GRID2: variants seen among roughly 807,000 people sequenced by gnomAD.
The protein encoded by GRID2 is glutamate ionotropic receptor delta type subunit 2, also known as glutamate receptor ionotropic, delta-2.
In GRID2, 33 loss-of-function variants were observed where a neutral mutation model predicts 114.8. That is an observed-to-expected ratio of 0.29 (90% CI 0.22 to 0.38). The LOEUF (loss-of-function observed/expected upper bound fraction) is 0.38, where lower values mean the gene tolerates loss of function less well. Ranked by LOEUF, GRID2 falls within the 10% of genes least tolerant of loss-of-function variation. GRID2 has a pLI of 1.00. For missense variants in GRID2, 1,184 were observed against 1,257.7 expected (o/e 0.94, Z 0.89); for synonymous variants, 505 against 449.9 (o/e 1.12, Z -1.55).
At chr4:92,787,238 T>A (rs1357882635) in intron 2 of GRID2, among the ~76,000 whole-genome samples, 6 of 151,836 alleles carry the variant, frequency 4.0e-5, no homozygotes, top group South Asian at 2.1e-4. Context: ...AAGTATATAT[T>A]CTAACTGATA....
rs558898137 is a variant in GRID2 at position 92,938,617 on chromosome 4, G to T, written c.245-146378G>T. Among the ~76,000 whole-genome samples, 31 of 146,070 alleles carry T rather than the reference G, an allele frequency of 2.1e-4. 5 individuals are homozygous for T. The highest frequency in any genetic ancestry group is 3.3e-4 in the Non-Finnish European group (22 of 66,134). ...TTAGGGTACATGTGCACAATGTGCAGGTTTGTTACATATGTATACATGTAC... is the reference window on the plus strand; with the variant it reads ...TTAGGGTACATGTGCACAATGTGCATGTTTGTTACATATGTATACATGTAC... On this transcript the variant is annotated intron_variant, in intron 2 of 15. Coordinates refer to ENST00000282020, the MANE Select transcript of GRID2 (RefSeq NM_001510.4).
chr4:93,097,590 T>G (rs1008502151), intron 3 of GRID2, among the ~76,000 whole-genome samples: 12 of 151,836 alleles, frequency 7.9e-5, no homozygotes, highest in Non-Finnish European at 1.6e-4. Context: ...AACATATATA[T>G]ATATTTAAAA....
At chr4:92,892,383 A>G (rs1236812749) in intron 2 of GRID2, among the ~76,000 whole-genome samples, 4 of 152,142 alleles carry the variant, frequency 2.6e-5, no homozygotes, top group Non-Finnish European at 5.9e-5. Context: ...TCTGAGAGAT[A>G]TATTTTCTTC....
intron 10 of GRID2, among the ~76,000 whole-genome samples, chr4:93,424,366 C>G (rs187405952): frequency 2.0e-5 from 3 of 152,024 alleles, no homozygotes; most frequent in African/African-American, 7.2e-5. Flanking sequence ...TGCAGGGCTA[C>G]GTAGGTAGCA....
intron 14 of GRID2, among the ~76,000 whole-genome samples, chr4:93,728,614 G>T (rs1408364173): frequency 6.6e-6 from 1 of 152,028 alleles, no homozygotes; most frequent in Admixed American, 6.6e-5. Context: ...TTATTGTGTT[G>T]GAGTCTAAGT....
chr4:92,633,746 A>G (rs1168543479), intron 2 of GRID2, among the ~76,000 whole-genome samples: 2 of 152,172 alleles, frequency 1.3e-5, no homozygotes, highest in Admixed American at 1.3e-4. Flanking sequence ...TAAGGGCATA[A>G]TGGCCATATT....
At chr4:93,762,817 G>T (rs921387157) in intron 14 of GRID2, among the ~76,000 whole-genome samples, 1 of 151,986 alleles carries the variant, frequency 6.6e-6, no homozygotes, top group African/African-American at 2.4e-5. Flanking sequence ...CCTGTGCCTC[G>T]CATGCGGGGT....
intron 2 of GRID2, among the ~76,000 whole-genome samples, chr4:92,927,655 A>G (rs888307820): frequency 2.6e-5 from 4 of 151,810 alleles, no homozygotes; most frequent in African/African-American, 9.7e-5. Flanking sequence ...TTTTTGCTAT[A>G]CAGATTTGAG....
At chr4:93,095,315 C>T (rs560832106) in intron 3 of GRID2, among the ~76,000 whole-genome samples, 156 of 151,900 alleles carry the variant, frequency 1.0e-3, no homozygotes, top group Non-Finnish European at 1.8e-3. Flanking sequence ...ATGATGTTCC[C>T]CTCCTTGTGT....
chr4:93,051,204 C>T (rs774560573), intron 2 of GRID2, among the ~76,000 whole-genome samples: 1 of 151,916 alleles, frequency 6.6e-6, no homozygotes, highest in Non-Finnish European at 1.5e-5. Flanking sequence ...AATAAGGAAT[C>T]GTTCAATTCT....
intron 2 of GRID2, among the ~76,000 whole-genome samples, chr4:92,747,935 C>T (rs1737235586): frequency 6.6e-6 from 1 of 152,116 alleles, no homozygotes; most frequent in African/African-American, 2.4e-5. Context: ...TTAATGAAGT[C>T]CCTATACTAG....
chr4:92,662,853 T>C (rs907178078), intron 2 of GRID2, among the ~76,000 whole-genome samples: 1 of 151,140 alleles, frequency 6.6e-6, no homozygotes. Flanking sequence ...TAAAAGAATG[T>C]ATACTATATT....
intron 11 of GRID2, among the ~76,000 whole-genome samples, chr4:93,468,098 T>G (rs935949814): frequency 2.6e-5 from 4 of 152,244 alleles, no homozygotes; most frequent in Non-Finnish European, 4.4e-5. Context: ...TGAATTCCTC[T>G]GTGATACATA....
chr4:93,657,993 G>T (rs2149732533), intron 14 of GRID2, among the ~76,000 whole-genome samples: 1 of 152,254 alleles, frequency 6.6e-6, no homozygotes, highest in South Asian at 2.1e-4. Flanking sequence ...GAGCTGAAAT[G>T]GACCATTCAT....
In GRID2 at chr4:93,275,308, A is replaced by G. The variant is rs549253013; in HGVS notation, c.1245+36818A>G. 9.5e-4 allele frequency among the ~76,000 whole-genome samples: 145 copies of G among 151,982 alleles called. 1 individual carries two copies. Among genetic ancestry groups the G allele is most frequent in the Non-Finnish European group, 7.4e-5 (5 of 67,862 alleles). On this transcript the variant is annotated intron_variant, in intron 8 of 15. Transcript: ENST00000282020. ...TAGGTGTACCATATTTTATTTATCC[A>G]TTGATTAATTAATAAACATTTCAGT...
chr4:93,003,850 T>TA (rs1398613649), intron 2 of GRID2, among the ~76,000 whole-genome samples: 1 of 151,928 alleles, frequency 6.6e-6, no homozygotes, highest in East Asian at 1.9e-4. Context: ...GCCAAGGAAA[T>TA]ACTGAACATT....
At chr4:93,129,290 A>G (rs1342397695) in intron 4 of GRID2, among the ~76,000 whole-genome samples, 2 of 152,176 alleles carry the variant, frequency 1.3e-5, no homozygotes, top group Non-Finnish European at 2.9e-5. Context: ...TAATAATAAG[A>G]ATAGGGTTAT....
At chr4:92,737,489 A>G (rs567845246) in intron 2 of GRID2, among the ~76,000 whole-genome samples, 2 of 152,184 alleles carry the variant, frequency 1.3e-5, no homozygotes, top group Admixed American at 6.6e-5. Flanking sequence ...TTTAAGTACA[A>G]TTCTGTGACT....
At chr4:93,627,807 C>G (rs1742858807) in intron 14 of GRID2, among the ~76,000 whole-genome samples, 1 of 152,148 alleles carries the variant, frequency 6.6e-6, no homozygotes. Context: ...CAAACCAAAG[C>G]AAGTCTCATG....
Sources: gnomAD v4.1 joint callset for allele counts (sites outside exome capture counted in the v4.1 genomes callset) on GRCh38, gnomAD v4.1.1 for gene constraint, MANE v1.5 for transcripts, NCBI Gene and HGNC (gene_info 2026-07-23, HGNC 2026-07-21) for gene names.